DIP2B: variants seen among roughly 807,000 people sequenced by gnomAD.
DIP2B encodes DIP2 acetate--CoA ligase B (putative).
In DIP2B, 76 loss-of-function variants were observed where a neutral mutation model predicts 198.0. The ratio of observed to expected loss-of-function variants is 0.38; its 90% CI spans 0.32 to 0.46. The LOEUF is 0.46. Among genes scored for constraint, DIP2B ranks in the 20% least tolerant of loss-of-function variants. The pLI, the probability that DIP2B is intolerant of heterozygous loss-of-function variation, is 0.99. For synonymous variants in DIP2B, 701 were observed against 739.1 expected, an observed-to-expected ratio of 0.95 and a Z score of 0.84; for missense variants, 1,559 against 1,978.4, an observed-to-expected ratio of 0.79 and a Z score of 4.02.
intron 1 of DIP2B, among the ~76,000 whole-genome samples, chr12:50,610,607 G>A (rs1448136161): frequency 5.9e-5 from 9 of 151,610 alleles, no homozygotes; most frequent in Non-Finnish European, 1.3e-4. Flanking sequence ...CCGGGTTCAC[G>A]CCATTCTCCT....
chr12:50,564,178 T>TA (rs2139400713), intron 1 of DIP2B, among the ~76,000 whole-genome samples: 1 of 152,268 alleles, frequency 6.6e-6, no homozygotes, highest in Admixed American at 6.5e-5. Context: ...ATTCTCTTGG[T>TA]ACTATTTAGG....
intron 14 of DIP2B, 86 bp downstream of exon 14, chr12:50,693,099 C>T (rs1939248902): frequency 7.6e-7 from 1 of 1,307,796 alleles, no homozygotes; most frequent in African/African-American, 1.5e-5. Context: ...TCTCTCAGTG[C>T]TTGTTTGAAA....
rs1939071323 is a variant in DIP2B, at chr12:50,683,027, ATAGT to A, written c.1207-109_1207-106del. 22 of 922,880 alleles carry A rather than the reference ATAGT, an allele frequency of 2.4e-5. No individual in the cohort carries two copies. In the South Asian group the frequency reaches 4.2e-4, roughly 18 times the overall value. The allele number at this position is 922,880 out of a possible 1,614,324, so 57.2% of individuals were successfully genotyped here. A position where few individuals can be genotyped will look rare whatever the true frequency, so the allele number is the denominator to read the frequency against. On this transcript the variant is annotated intron_variant, in intron 9 of 37. Coordinates refer to ENST00000301180, the MANE Select transcript of DIP2B (RefSeq NM_173602.3). ...TTCCTTTAGAGCAGATGGCTGTTAA[ATAGT>A]TTGATTTATTGTGTTCATGATAAAT...
At chr12:50,605,423 G>T (rs1488441709) in intron 1 of DIP2B, among the ~76,000 whole-genome samples, 2 of 152,084 alleles carry the variant, frequency 1.3e-5, no homozygotes, top group Non-Finnish European at 1.5e-5. Flanking sequence ...AATTAGCCAT[G>T]CAGGGTGGTG....
intron 1 of DIP2B, among the ~76,000 whole-genome samples, chr12:50,522,604 T>C (rs945480083): frequency 2.6e-5 from 4 of 152,186 alleles, no homozygotes; most frequent in African/African-American, 9.7e-5. Flanking sequence ...GCCACACAGA[T>C]AGTGGCCCTG....
intron 1 of DIP2B, among the ~76,000 whole-genome samples, chr12:50,540,702 C>T (rs889973914): frequency 3.3e-5 from 5 of 151,870 alleles, no homozygotes; most frequent in Admixed American, 2.0e-4. Context: ...GTGCCCGCCA[C>T]GGCGCCCGGC....
At chr12:50,541,290 TTTTA>T (rs1958323202) in intron 1 of DIP2B, among the ~76,000 whole-genome samples, 2 of 152,112 alleles carry the variant, frequency 1.3e-5, no homozygotes, top group African/African-American at 2.4e-5. Context: ...TTTAAGCTTC[TTTTA>T]TTTATTTATT....
At chr12:50,610,898 C>G (rs1045817937) in intron 1 of DIP2B, among the ~76,000 whole-genome samples, 2 of 150,806 alleles carry the variant, frequency 1.3e-5, no homozygotes, top group African/African-American at 4.9e-5. Flanking sequence ...TGCCTCCGTT[C>G]AAGCAGTTCT....
At chr12:50,674,402 C>CA (rs1293685361) in intron 5 of DIP2B, 72 bp from the exon 6 acceptor site, 1 of 1,558,428 alleles carries the variant, frequency 6.4e-7, no homozygotes, top group Non-Finnish European at 8.8e-7. Context: ...TGTTAAAAAA[C>CA]AAAACCCCAA....
At chr12:50,720,186 C>T (rs2139585039) in intron 25 of DIP2B, among the ~76,000 whole-genome samples, 1 of 152,032 alleles carries the variant, frequency 6.6e-6, no homozygotes, top group East Asian at 1.9e-4. Context: ...CCTTGGCCTC[C>T]CAAAGTGCTA....
At chr12:50,681,699 T>C (rs1161999837) in intron 9 of DIP2B, among the ~76,000 whole-genome samples, 1 of 152,212 alleles carries the variant, frequency 6.6e-6, no homozygotes, top group Non-Finnish European at 1.5e-5. Flanking sequence ...AATAGACTTA[T>C]TTTGATTGGG....
At chr12:50,736,949 C>T (rs1182107185) in intron 34 of DIP2B, 87 bp from the exon 35 acceptor site, 13 of 1,332,486 alleles carry the variant, frequency 9.8e-6, no homozygotes, top group South Asian at 7.3e-5. Flanking sequence ...CCTCTCTCAC[C>T]TCTCCAGCAG....
chr12:50,739,625 T>C, intron 36 of DIP2B, 39 bp downstream of exon 36: 1 of 1,607,404 alleles, frequency 6.2e-7, no homozygotes, highest in Non-Finnish European at 8.5e-7. Context: ...CTGCTTTGTG[T>C]TTCTGTAGCA....
At chr12:50,581,266 TGAAACAG>T (rs996860852) in intron 1 of DIP2B, among the ~76,000 whole-genome samples, 2 of 149,462 alleles carry the variant, frequency 1.3e-5, no homozygotes, top group Admixed American at 1.4e-4. Context: ...TGGGAATCAT[TGAAACAG>T]GAATTTATTC....
intron 10 of DIP2B, among the ~76,000 whole-genome samples, chr12:50,684,882 A>C (rs980618639): frequency 4.6e-5 from 7 of 152,256 alleles, no homozygotes; most frequent in African/African-American, 1.7e-4. Context: ...ACTTGAGGTC[A>C]GGAGTTCAAA....
intron 1 of DIP2B, among the ~76,000 whole-genome samples, chr12:50,567,751 C>T (rs1239513811): frequency 6.6e-6 from 1 of 152,206 alleles, no homozygotes; most frequent in African/African-American, 2.4e-5. Flanking sequence ...TGGTCTCGAA[C>T]TCCTGACCTC....
intron 34 of DIP2B, among the ~76,000 whole-genome samples, chr12:50,735,769 C>G (rs940368923): frequency 6.6e-6 from 1 of 152,110 alleles, no homozygotes; most frequent in Non-Finnish European, 1.5e-5. Context: ...CGGCCCGGTT[C>G]TATCTTACAA....
rs149892884 is a variant in DIP2B, at chr12:50,714,591, A to C, written c.2846A>C (p.Gln949Pro). Residue 949 changes from glutamine (Q) to proline (P), a missense_variant, in exon 23 of 38, where the codon CAA (glutamine) becomes CCA (proline). Coordinates refer to ENST00000301180, the MANE Select transcript of DIP2B (RefSeq NM_173602.3). Reference sequence around the variant, plus strand: ...AACTTGCCAAAGCCCCGGCAAAAACAACCAGGTAATATGCTGGCTTCCAAG... The same window carrying C: ...AACTTGCCAAAGCCCCGGCAAAAACCACCAGGTAATATGCTGGCTTCCAAG... ...VTNLPKPRQKQPGVGPASVMV... is the reference protein window; with the variant it reads ...VTNLPKPRQKPPGVGPASVMV... 61 of 1,613,900 alleles carry C rather than the reference A, an allele frequency of 3.8e-5. No homozygotes were observed. In the African/African-American group the frequency reaches 7.2e-4, roughly 19 times the overall value.
Position 50,601,938 on chromosome 12 carries a change from A to G in DIP2B, c.101-24038A>G, listed in dbSNP as rs568844405. ...TGCTCCATCCAGTCCTGGTGTGCAT[A>G]GTTATTGCTCCAGTTGTATAATTCA... is the stretch of plus-strand genomic sequence containing the variant. On this transcript the variant is annotated intron_variant, in intron 1 of 37. Transcript: ENST00000301180. 5.4e-4 allele frequency among the ~76,000 whole-genome samples: 82 copies of G among 152,254 alleles called. 1 individual carries two copies. Among genetic ancestry groups the G allele is most frequent in the African/African-American group, 1.9e-3 (77 of 41,530 alleles).
Sources: allele counts gnomAD v4.1 joint callset (sites outside exome capture counted in the v4.1 genomes callset), GRCh38; gene constraint gnomAD v4.1.1; transcripts MANE v1.5; gene names NCBI Gene and HGNC (gene_info 2026-07-23, HGNC 2026-07-21).